The following BCL2L14 variants were observed in gnomAD, a reference collection of about 807,000 sequenced individuals.
BCL2L14 encodes the protein apoptosis facilitator Bcl-2-like protein 14.
A neutral mutation model predicts 35.3 loss-of-function variants in BCL2L14; 27 were observed. That is an observed-to-expected ratio of 0.76 (90% CI 0.56 to 1.05). BCL2L14 has a LOEUF of 1.05. Ranked by LOEUF, BCL2L14 falls within the 50% of genes least tolerant of loss-of-function variation. The pLI is 0.00. For missense variants in BCL2L14, 377 were observed against 382.6 expected (o/e 0.99, Z 0.12); for synonymous variants, 139 against 145.9 (o/e 0.95, Z 0.34).
upstream of BCL2L14, chr12:12,068,004 C>G (rs1194618049): frequency 2.6e-6 from 1 of 384,996 alleles, no homozygotes; most frequent in Middle Eastern, 6.6e-4. Flanking sequence ...GCCATCATGG[C>G]TCATTGCAGC....
At chr12:12,078,099 A>G in intron 1 of BCL2L14, 1 of 252,574 alleles carries the variant, frequency 4.0e-6, no homozygotes, top group South Asian at 4.1e-5. Context: ...TCTTTTTCAA[A>G]CATGCCTGTG....
chr12:12,081,947 T>C (rs1948936471), intron 2 of BCL2L14, among the ~76,000 whole-genome samples: 1 of 152,184 alleles, frequency 6.6e-6, no homozygotes, highest in African/African-American at 2.4e-5. Flanking sequence ...GTGGCAGTAA[T>C]GTCTCAGTTT....
intron 2 of BCL2L14, among the ~76,000 whole-genome samples, chr12:12,062,058 T>A (rs1434716906): frequency 1.3e-5 from 2 of 152,078 alleles, no homozygotes; most frequent in Non-Finnish European, 2.9e-5. Flanking sequence ...CCTAATACTT[T>A]TAGAGGCCCT....
intron 1 of BCL2L14, chr12:12,072,183 C>T (rs1565455524): frequency 6.6e-6 from 1 of 152,280 alleles, no homozygotes; most frequent in Non-Finnish European, 1.5e-5. Context: ...TGTGGAAACA[C>T]GAGGTGCTTG....
intron 1 of BCL2L14, among the ~76,000 whole-genome samples, chr12:12,075,969 T>A (rs1401343120): frequency 6.6e-6 from 1 of 151,710 alleles, no homozygotes; most frequent in Non-Finnish European, 1.5e-5. Context: ...AGGAGACACA[T>A]AATGGTTGTC....
intron 5 of BCL2L14, among the ~76,000 whole-genome samples, chr12:12,096,434 A>T (rs79128487): frequency 4.4e-5 from 4 of 90,300 alleles, no homozygotes; most frequent in East Asian, 2.9e-4. Flanking sequence ...CAAGAATGTG[A>T]AAAAAAAAAA....
intron 2 of BCL2L14, among the ~76,000 whole-genome samples, chr12:12,086,934 G>A (rs1359977865): frequency 1.3e-5 from 2 of 152,178 alleles, no homozygotes; most frequent in Non-Finnish European, 2.9e-5. Flanking sequence ...CCCTTGCAAA[G>A]GGGAAAGGAG....
At chr12:12,086,165 T>C (rs1328405732) in intron 2 of BCL2L14, among the ~76,000 whole-genome samples, 2 of 151,906 alleles carry the variant, frequency 1.3e-5, no homozygotes, top group Admixed American at 1.3e-4. Flanking sequence ...AGAATTTTAA[T>C]AAATTAGCCA....
At chr12:12,076,509 T>C (rs1238871631) in intron 1 of BCL2L14, among the ~76,000 whole-genome samples, 2 of 152,178 alleles carry the variant, frequency 1.3e-5, no homozygotes, top group African/African-American at 2.4e-5. Flanking sequence ...CATCCAGTTA[T>C]GTGAGGGAGG....
At chr12:12,058,867 C>A (rs1211960161) in intron 2 of BCL2L14, among the ~76,000 whole-genome samples, 1 of 152,184 alleles carries the variant, frequency 6.6e-6, no homozygotes, top group African/African-American at 2.4e-5. Flanking sequence ...GAGAAAGATC[C>A]ACCTATGACC....
At chr12:12,067,377 C>T (rs534459270), upstream of BCL2L14, among the ~76,000 whole-genome samples, 1 of 152,040 alleles carries the variant, frequency 6.6e-6, no homozygotes, top group Non-Finnish European at 1.5e-5. Context: ...ATAGTGAAAC[C>T]CCGTCTTTAT....
chr12:12,052,850 C>G (rs1433324123), intron 2 of BCL2L14, among the ~76,000 whole-genome samples: 2 of 152,136 alleles, frequency 1.3e-5, no homozygotes, highest in African/African-American at 4.8e-5. Flanking sequence ...TGATAGAGAC[C>G]AAAAGGAGTA....
At chr12:12,063,588 A>G (rs1240604148) in intron 2 of BCL2L14, among the ~76,000 whole-genome samples, 1 of 152,018 alleles carries the variant, frequency 6.6e-6, no homozygotes, top group Non-Finnish European at 1.5e-5. Flanking sequence ...AACATCGCCC[A>G]TTATCTCTCC....
chr12:12,068,662 T>TA (rs5796483), upstream of BCL2L14, among the ~76,000 whole-genome samples: 44,153 of 146,654 alleles, frequency 0.3, 6,577 homozygotes, highest in South Asian at 0.36. Context: ...CCTGGCTAAT[T>TA]AAAAAAAAAA....
intron 1 of BCL2L14, among the ~76,000 whole-genome samples, chr12:12,073,226 TTC>T (rs1162937603): frequency 6.6e-6 from 1 of 152,168 alleles, no homozygotes; most frequent in Non-Finnish European, 1.5e-5. Context: ...TCTCCGTTTG[TTC>T]TCTTTTGCTC....
chr12:12,084,659 G>A (rs1290410024), intron 2 of BCL2L14, among the ~76,000 whole-genome samples: 1 of 152,038 alleles, frequency 6.6e-6, no homozygotes, highest in Non-Finnish European at 1.5e-5. Context: ...GTCTGACAAG[G>A]ATATAATCTT....
At chr12:12,081,298 T>TA (rs1300915759) in intron 2 of BCL2L14, among the ~76,000 whole-genome samples, 1 of 150,444 alleles carries the variant, frequency 6.6e-6, no homozygotes, top group African/African-American at 2.5e-5. Flanking sequence ...AAAATTAAAA[T>TA]AAAAAAATTA....
At chr12:12,050,467 A>G (rs1261122950) in intron 1 of BCL2L14, among the ~76,000 whole-genome samples, 2 of 147,426 alleles carry the variant, frequency 1.4e-5, no homozygotes, top group Non-Finnish European at 3.0e-5. Flanking sequence ...AAAGAAAAGA[A>G]GAAACAAAGA....
chr12:12,062,315 T>C (rs1320965351), intron 2 of BCL2L14, among the ~76,000 whole-genome samples: 2 of 143,466 alleles, frequency 1.4e-5, no homozygotes, highest in Non-Finnish European at 3.0e-5. Flanking sequence ...CTCACCCCAT[T>C]TCCCCATATT....
Sources: allele counts gnomAD v4.1 joint callset (sites outside exome capture counted in the v4.1 genomes callset), GRCh38; gene constraint gnomAD v4.1.1; transcripts MANE v1.5; gene names NCBI Gene and HGNC (gene_info 2026-07-23, HGNC 2026-07-21).